The following FMNL3 variants were observed in gnomAD, a reference collection of about 807,000 sequenced individuals.
The protein encoded by FMNL3 is formin like 3.
Under a neutral mutation model 119.6 loss-of-function variants are expected in FMNL3, and 57 were observed. The ratio of observed to expected loss-of-function variants is 0.48; its 90% CI spans 0.39 to 0.59. The LOEUF (loss-of-function observed/expected upper bound fraction) is 0.59. Ranked by LOEUF, FMNL3 falls within the 20% of genes least tolerant of loss-of-function variation. The pLI is 0.00. For missense variants in FMNL3, 1,053 were observed against 1,323.5 expected (o/e 0.80, Z 3.17); for synonymous variants, 491 against 507.3 (o/e 0.97, Z 0.43).
chr12:49,703,540 C>T (rs1250976634), intron 1 of FMNL3, among the ~76,000 whole-genome samples: 1 of 152,108 alleles, frequency 6.6e-6, no homozygotes, highest in Non-Finnish European at 1.5e-5. Context: ...GAAAATATTA[C>T]TGTTTCTACA....
Position 49,641,851 on chromosome 12 carries a change from G to C in FMNL3, c.*3964C>G, listed in dbSNP as rs1592618031. The C allele has an allele frequency of 1.4e-6, 2 of 1,458,532 alleles. No individual in the cohort carries two copies. Among genetic ancestry groups the C allele is most frequent in the Non-Finnish European group, 1.9e-6 (2 of 1,044,162 alleles). 90.3% of individuals were successfully genotyped at this position (1,458,532 alleles called of 1,614,324 possible). A position where few individuals can be genotyped will look rare whatever the true frequency, so the allele number is the denominator to read the frequency against. ...CATCTGTAATGTGACCACTCTGCCTGCCAGCTTTGGCCTCAGGCACGTGGT... is the reference window on the plus strand; with the variant it reads ...CATCTGTAATGTGACCACTCTGCCTCCCAGCTTTGGCCTCAGGCACGTGGT... On this transcript the variant is annotated 3_prime_UTR_variant, in exon 26 of 26. Transcript: ENST00000335154.
chr12:49,704,710 C>CAAAAAAAAAAAA (rs59799899), intron 1 of FMNL3, among the ~76,000 whole-genome samples: 88 of 37,840 alleles, frequency 2.3e-3, no homozygotes, highest in Non-Finnish European at 4.5e-3. Flanking sequence ...AACTCCATCT[C>CAAAAAAAAAAAA]AAAAAAAAAA....
intron 1 of FMNL3, among the ~76,000 whole-genome samples, chr12:49,679,722 C>T (rs1168807213): frequency 3.3e-5 from 5 of 151,952 alleles, no homozygotes; most frequent in East Asian, 1.9e-4. Flanking sequence ...GGTTTCACCA[C>T]GTTGTCCAGG....
chr12:49,643,229 G>A lies in FMNL3; in HGVS notation c.*2586C>T, dbSNP rs1942906882. The A allele has an allele frequency of 6.2e-7, 1 of 1,613,980 alleles. No homozygotes were observed. Among genetic ancestry groups the A allele is most frequent in the African/African-American group, 1.3e-5 (1 of 74,928 alleles). ...TATCTGCTGATCTGCCCAGGGCTCTGAGTCAGAAGAAGAGGAGCTGCCCCC... is the reference window on the plus strand; with the variant it reads ...TATCTGCTGATCTGCCCAGGGCTCTAAGTCAGAAGAAGAGGAGCTGCCCCC... On this transcript the variant is annotated 3_prime_UTR_variant, in exon 26 of 26. Transcript: ENST00000335154.
intron 1 of FMNL3, among the ~76,000 whole-genome samples, chr12:49,692,708 T>C (rs1218415084): frequency 6.6e-6 from 1 of 152,210 alleles, no homozygotes; most frequent in Non-Finnish European, 1.5e-5. Flanking sequence ...GGTATTTGGC[T>C]GTACAGTGAT....
chr12:49,637,611 T>C lies in FMNL3; in HGVS notation c.*8204A>G. 6.2e-7 allele frequency: 1 copy of C among 1,600,386 alleles called. No homozygotes were observed. Among genetic ancestry groups the C allele is most frequent in the Non-Finnish European group, 8.6e-7 (1 of 1,169,204 alleles). On this transcript the variant is annotated 3_prime_UTR_variant, in exon 26 of 26. Transcript: ENST00000335154. Reference sequence around the variant, plus strand: ...TAAGGCAGCCAGGCTCCCCCTTCTCTGGCCTGGCTTCCTGCCCTGCCAGCC... The same window carrying C: ...TAAGGCAGCCAGGCTCCCCCTTCTCCGGCCTGGCTTCCTGCCCTGCCAGCC...
chr12:49,667,945 G>A lies in FMNL3; in HGVS notation c.210+526C>T, dbSNP rs560245140. Among the ~76,000 whole-genome samples the A allele has an allele frequency of 6.4e-4, 97 of 152,244 alleles. 1 individual carries two copies. The highest frequency in any genetic ancestry group is 2.3e-3 in the African/African-American group (95 of 41,528). On this transcript the variant is annotated intron_variant, in intron 2 of 25. Transcript: ENST00000335154. ...GGAAAGAGCCAGGTCATATGTGTTA[G>A]AAGACTCTCAACTCTGAGCAAAGTA...
rs866141899 is a variant in FMNL3 at position 49,707,373 on chromosome 12, G to T, written c.-193C>A. 4.5e-6 allele frequency: 2 copies of T among 441,838 alleles called. No individual in the cohort carries two copies. Among genetic ancestry groups the T allele is most frequent in the Non-Finnish European group, 3.9e-6 (1 of 258,422 alleles). 27.4% of individuals were successfully genotyped at this position (441,838 alleles called of 1,614,324 possible). ...GCGGCGAGGGCGGAGGCAGCGTAGCGGACAGCCGCACCGAAGCAAGGCGGA... is the reference window on the plus strand; with the variant it reads ...GCGGCGAGGGCGGAGGCAGCGTAGCTGACAGCCGCACCGAAGCAAGGCGGA... On this transcript the variant is annotated 5_prime_UTR_variant, in exon 1 of 26. Transcript: ENST00000335154.
chr12:49,647,928 G>A lies in FMNL3; in HGVS notation c.2677-124C>T. On this transcript the variant is annotated intron_variant, in intron 22 of 25. Coordinates refer to ENST00000335154, the MANE Select transcript of FMNL3 (RefSeq NM_175736.5). This position sits in a 1 kb window ranked among gnomAD's most constrained non-coding sequence, Gnocchi z 4.9. ...AAAGGGAGGAAAACCAAGCACCCAG[G>A]CCCCTGTGAGCTGGAGGGAACCTGG... is the stretch of plus-strand genomic sequence containing the variant. 1.2e-6 allele frequency: 1 copy of A among 831,596 alleles called. No homozygotes were observed. The highest frequency in any genetic ancestry group is 1.8e-5 in the South Asian group (1 of 56,504). 51.5% of individuals were successfully genotyped at this position (831,596 alleles called of 1,614,324 possible).
intron 1 of FMNL3, among the ~76,000 whole-genome samples, chr12:49,668,818 A>T (rs1943960666): frequency 6.6e-6 from 1 of 152,252 alleles, no homozygotes; most frequent in South Asian, 2.1e-4. Context: ...AGCTGATTAA[A>T]ATAGGATAGA....
chr12:49,656,611 G>T, intron 8 of FMNL3, 114 bp from the exon 9 acceptor site: 1 of 1,016,996 alleles, frequency 9.8e-7, no homozygotes, highest in Non-Finnish European at 1.5e-6. Context: ...TCAGTGGTGA[G>T]GAGAGAGGGT....
At chr12:49,699,310 C>T (rs2139045863) in intron 1 of FMNL3, among the ~76,000 whole-genome samples, 1 of 152,346 alleles carries the variant, frequency 6.6e-6, no homozygotes, top group South Asian at 2.1e-4. Context: ...CCCAGCCTCC[C>T]CAAGCAACCT....
In FMNL3 at chr12:49,644,063, T is replaced by C. The variant is rs755133765; in HGVS notation, c.*1752A>G. The C allele has an allele frequency of 5.6e-5, 90 of 1,613,876 alleles. No individual in the cohort carries two copies. The highest frequency in any genetic ancestry group is 7.1e-5 in the Non-Finnish European group (84 of 1,179,866). On this transcript the variant is annotated 3_prime_UTR_variant, in exon 26 of 26. Transcript: ENST00000335154. ...CTGGTCAAGCTTCCACGGCCCTTAG[T>C]GCAGGCTAAGGGTGAACTGTGCCTT...
At chr12:49,661,433 A>C (rs949575991) in intron 5 of FMNL3, among the ~76,000 whole-genome samples, 1 of 152,144 alleles carries the variant, frequency 6.6e-6, no homozygotes, top group Non-Finnish European at 1.5e-5. Flanking sequence ...TTTCTGTGCT[A>C]ACTCACTTCT....
chr12:49,704,994 G>A (rs1565903654), intron 1 of FMNL3, among the ~76,000 whole-genome samples: 1 of 152,172 alleles, frequency 6.6e-6, no homozygotes, highest in Non-Finnish European at 1.5e-5. Flanking sequence ...AGTCAGTACT[G>A]TTCCCAAAGC....
At chr12:49,648,649 G>A (rs1201511896) in intron 21 of FMNL3, among the ~76,000 whole-genome samples, 2 of 152,212 alleles carry the variant, frequency 1.3e-5, no homozygotes, top group African/African-American at 2.4e-5. Context: ...CATGGGTGGG[G>A]CAGAAATAAC....
chr12:49,666,143 G>A lies in FMNL3; in HGVS notation c.275C>T (p.Pro92Leu), dbSNP rs757169008. 6.2e-7 allele frequency: 1 copy of A among 1,614,116 alleles called. No homozygotes were observed. Among genetic ancestry groups the A allele is most frequent in the South Asian group, 1.1e-5 (1 of 91,080 alleles). ...YIQKLQSFLD[P>L]SVTRKKFRRR... ...ATACTTCACCTTCCGAGTTACACTGGGGTCCAAGAAGCTCTGGAGTTTCTG... is the reference window on the plus strand; with the variant it reads ...ATACTTCACCTTCCGAGTTACACTGAGGTCCAAGAAGCTCTGGAGTTTCTG... The change falls in exon 3 of 26, where the codon CCC (proline) becomes CTC (leucine). Residue 92 changes from proline (P) to leucine (L), a missense_variant. Physicochemically the swap from Pro to Leu is moderately conservative, Grantham distance 98. Transcript: ENST00000335154.
intron 21 of FMNL3, 85 bp from the exon 22 acceptor site, chr12:49,648,438 C>T: frequency 7.0e-7 from 1 of 1,434,532 alleles, no homozygotes. Flanking sequence ...CTCTGGCCCT[C>T]CCCCTCAGCA....
intron 1 of FMNL3, among the ~76,000 whole-genome samples, chr12:49,675,653 G>A (rs1053693521): frequency 6.6e-6 from 1 of 152,136 alleles, no homozygotes; most frequent in Non-Finnish European, 1.5e-5. Context: ...TTCACTTGCC[G>A]CCCTCTGGGA....
Sources: gnomAD v4.1 joint callset for allele counts (sites outside exome capture counted in the v4.1 genomes callset) on GRCh38, gnomAD v4.1.1 for gene constraint, Gnocchi (gnomAD v3.1) non-coding constraint, MANE v1.5 for transcripts, NCBI Gene and HGNC (gene_info 2026-07-23, HGNC 2026-07-21) for gene names.